Variants in CDC42SE2 observed in about 807,000 individuals in gnomAD.
The protein encoded by CDC42SE2 is CDC42 small effector protein 2.
In CDC42SE2, 3 loss-of-function variants were observed where a neutral mutation model predicts 11.5. The ratio of observed to expected loss-of-function variants is 0.26; its 90% CI spans 0.12 to 0.67. The LOEUF (loss-of-function observed/expected upper bound fraction) is 0.67. CDC42SE2 is among the 30% of genes least tolerant of loss of function. The pLI, the probability that CDC42SE2 is intolerant of heterozygous loss-of-function variation, is 0.80. For synonymous variants in CDC42SE2, 33 were observed against 34.8 expected (o/e 0.95, Z 0.18); for missense variants, 82 against 106.8 (o/e 0.77, Z 1.02).
upstream of CDC42SE2, chr5:131,261,350 T>C (rs1756723881): frequency 6.6e-6 from 1 of 152,236 alleles, no homozygotes; most frequent in Non-Finnish European, 1.5e-5. Context: ...TTTGGTATTA[T>C]TGTAATTACA....
chr5:131,346,069 C>G (rs549711759), intron 2 of CDC42SE2, among the ~76,000 whole-genome samples: 6 of 152,148 alleles, frequency 3.9e-5, no homozygotes, highest in Non-Finnish European at 8.8e-5. Context: ...TAAAGACTAT[C>G]AATGCTAGGA....
intron 1 of CDC42SE2, among the ~76,000 whole-genome samples, chr5:131,313,564 T>G (rs1757976109): frequency 6.6e-6 from 1 of 152,214 alleles, no homozygotes; most frequent in Admixed American, 6.5e-5. Flanking sequence ...GCTTCATTTG[T>G]TGAGAAAGCT....
chr5:131,309,371 C>T (rs1431564896), intron 1 of CDC42SE2, among the ~76,000 whole-genome samples: 1 of 152,054 alleles, frequency 6.6e-6, no homozygotes, highest in South Asian at 2.1e-4. Context: ...AGGATTTTTG[C>T]ATCAATATTC....
chr5:131,327,227 T>C (rs914507126), intron 2 of CDC42SE2, among the ~76,000 whole-genome samples: 1 of 152,206 alleles, frequency 6.6e-6, no homozygotes. Context: ...TACTTCTGTA[T>C]ATTTCTTACT....
Position 131,393,139 on chromosome 5 carries a change from T to TTTGG in CDC42SE2, c.*2050_*2053dup, listed in dbSNP as rs1234097223. 5 of 152,456 alleles carry TTTGG rather than the reference T, an allele frequency of 3.3e-5. No individual in the cohort carries two copies. In the South Asian group the frequency reaches 1.0e-3, roughly 32 times the overall value. 9.4% of individuals were successfully genotyped at this position (152,456 alleles called of 1,614,324 possible). A position where few individuals can be genotyped will look rare whatever the true frequency, so the allele number is the denominator to read the frequency against. Reference sequence around the variant, plus strand: ...TCCAATTCAAGCCTATCTAACTACATTTGGTAGGATTAACATTTCATATAA... The same window carrying TTTGG: ...TCCAATTCAAGCCTATCTAACTACATTTGGTTGGTAGGATTAACATTTCATATAA... On this transcript the variant is annotated 3_prime_UTR_variant, in exon 5 of 5. Transcript: ENST00000505065.
At chr5:131,314,752 A>G (rs1420480760) in intron 1 of CDC42SE2, among the ~76,000 whole-genome samples, 1 of 152,190 alleles carries the variant, frequency 6.6e-6, no homozygotes, top group East Asian at 1.9e-4. Flanking sequence ...TATAAAATTA[A>G]TATCAATGTC....
chr5:131,298,079 T>A (rs1329651206), intron 1 of CDC42SE2, among the ~76,000 whole-genome samples: 3 of 152,098 alleles, frequency 2.0e-5, no homozygotes. Context: ...AGTAATGTGC[T>A]TTCATTCAGC....
intron 1 of CDC42SE2, among the ~76,000 whole-genome samples, chr5:131,282,425 T>C (rs1757254928): frequency 1.3e-5 from 2 of 152,214 alleles, no homozygotes; most frequent in Admixed American, 1.3e-4. Flanking sequence ...AGTACAGTGA[T>C]GACACAGGTA....
the CDC42SE2 span, among the ~76,000 whole-genome samples, chr5:131,222,009 A>G: frequency 2.0e-5 from 3 of 152,384 alleles, no homozygotes; most frequent in East Asian, 3.9e-4. Context: ...TAATTTTAGC[A>G]TAATTAAACA....
At chr5:131,312,331 C>T (rs1757938813) in intron 1 of CDC42SE2, among the ~76,000 whole-genome samples, 1 of 151,970 alleles carries the variant, frequency 6.6e-6, no homozygotes, top group African/African-American at 2.4e-5. Flanking sequence ...GCTGGGAGTG[C>T]CAGTGCTCTC....
chr5:131,226,373 C>T, the CDC42SE2 span, among the ~76,000 whole-genome samples: 1 of 152,198 alleles, frequency 6.6e-6, no homozygotes, highest in Non-Finnish European at 1.5e-5. Flanking sequence ...GGCCCCTTAA[C>T]AAATTCCTAC....
intron 3 of CDC42SE2, among the ~76,000 whole-genome samples, chr5:131,363,121 C>G (rs1014990877): frequency 6.6e-6 from 1 of 151,046 alleles, no homozygotes; most frequent in Middle Eastern, 3.4e-3. Flanking sequence ...TCCAGCCTGG[C>G]GACAGGGCAA....
chr5:131,359,301 G>A lies in CDC42SE2; in HGVS notation c.-193G>A. 1.6e-6 allele frequency: 1 copy of A among 608,744 alleles called. No homozygotes were observed. The highest frequency in any genetic ancestry group is 2.9e-6 in the Non-Finnish European group (1 of 339,768). 37.7% of individuals were successfully genotyped at this position (608,744 alleles called of 1,614,324 possible). On this transcript the variant is annotated 5_prime_UTR_variant, in exon 3 of 5. Coordinates refer to ENST00000505065, the MANE Select transcript of CDC42SE2 (RefSeq NM_001375635.1). ...CTCTGTAGAACCAGAAGCAAAGAAA[G>A]GAAACAATCCAAATTTTTCTTTATT...
At chr5:131,267,990 G>A (rs1184571935) in intron 1 of CDC42SE2, among the ~76,000 whole-genome samples, 1 of 151,240 alleles carries the variant, frequency 6.6e-6, no homozygotes, top group Non-Finnish European at 1.5e-5. Flanking sequence ...GTCTCAGGGG[G>A]ACATTATAGT....
chr5:131,268,602 A>T (rs1374702996), intron 1 of CDC42SE2, among the ~76,000 whole-genome samples: 1 of 151,194 alleles, frequency 6.6e-6, no homozygotes, highest in Non-Finnish European at 1.5e-5. Flanking sequence ...ACAGGCATGC[A>T]CCACCATGCT....
At chr5:131,337,680 C>T (rs940380541) in intron 2 of CDC42SE2, among the ~76,000 whole-genome samples, 27 of 152,330 alleles carry the variant, frequency 1.8e-4, no homozygotes, top group African/African-American at 5.5e-4. Flanking sequence ...GGGCACCCCT[C>T]CCCCAGCCTC....
chr5:131,302,310 G>A (rs1368080847), intron 1 of CDC42SE2, among the ~76,000 whole-genome samples: 12 of 152,148 alleles, frequency 7.9e-5, no homozygotes, highest in Admixed American at 7.9e-4. Flanking sequence ...CTCCCCAGTA[G>A]CTGGGATTAT....
intron 4 of CDC42SE2, among the ~76,000 whole-genome samples, chr5:131,387,063 G>T (rs1750508506): frequency 6.6e-6 from 1 of 152,164 alleles, no homozygotes; most frequent in African/African-American, 2.4e-5. Context: ...GTATCATGTT[G>T]CTGTCAAAAC....
chr5:131,303,299 A>ATT (rs1405856976), intron 1 of CDC42SE2, among the ~76,000 whole-genome samples: 17 of 152,206 alleles, frequency 1.1e-4, no homozygotes, highest in Non-Finnish European at 2.1e-4. Context: ...GAAGAAAGGA[A>ATT]TTGGTATTTG....
Sources: allele counts gnomAD v4.1 joint callset (sites outside exome capture counted in the v4.1 genomes callset), GRCh38; gene constraint gnomAD v4.1.1; transcripts MANE v1.5; gene names NCBI Gene and HGNC (gene_info 2026-07-23, HGNC 2026-07-21).